TONSL: variants seen among roughly 807,000 people sequenced by gnomAD.
TONSL encodes tonsoku-like protein.
A neutral mutation model predicts 147.1 loss-of-function variants in TONSL; 112 were observed. The observed-to-expected ratio is 0.76, with a 90% CI of 0.65 to 0.89. The LOEUF is 0.89. Ranked by LOEUF, TONSL falls within the 40% of genes least tolerant of loss-of-function variation. The probability of loss-of-function intolerance (pLI) is 0.00; values close to 1 mark genes in which losing one functional copy is unlikely to be tolerated. For missense variants in TONSL, 1,883 were observed against 1,864.6 expected (o/e 1.01, Z -0.18); for synonymous variants, 868 against 801.5 (o/e 1.08, Z -1.40).
chr8:144,431,063 G>A lies in TONSL; in HGVS notation c.3809+15C>T. 1.2e-6 allele frequency: 2 copies of A among 1,614,032 alleles called. No individual in the cohort carries two copies. The highest frequency in any genetic ancestry group is 1.7e-6 in the Non-Finnish European group (2 of 1,179,900). The stretch of plus-strand genomic sequence containing the variant: ...CAGACCCCCAGGTCAGCAGGCAGCA[G>A]GGAAAGGGCGTTACCTGCACAGGTC... On this transcript the variant is annotated intron_variant, in intron 24 of 25. Coordinates refer to ENST00000409379, the MANE Select transcript of TONSL (RefSeq NM_013432.5).
chr8:144,429,395 C>A, intron 25 of TONSL, 59 bp from the exon 26 acceptor site: 1 of 1,337,924 alleles, frequency 7.5e-7, no homozygotes, highest in Non-Finnish European at 9.6e-7. Context: ...TCCTGGTGCC[C>A]GCGGCAGGCT....
chr8:144,443,746 C>G (rs1823804081), intron 3 of TONSL, 136 bp downstream of exon 3: 7 of 1,239,238 alleles, frequency 5.6e-6, no homozygotes, highest in Non-Finnish European at 6.6e-6. Flanking sequence ...TGGCCCGGGG[C>G]GGTGAAGGCA....
intron 3 of TONSL, among the ~76,000 whole-genome samples, chr8:144,443,524 C>T (rs1823796730): frequency 6.6e-6 from 1 of 152,204 alleles, no homozygotes; most frequent in Non-Finnish European, 1.5e-5. Flanking sequence ...TGTATGCAGC[C>T]AACGCTGTCA....
Position 144,436,879 on chromosome 8 carries a change from C to T in TONSL, c.1768G>A (p.Asp590Asn), listed in dbSNP as rs141468690. 4.2e-5 allele frequency: 68 copies of T among 1,609,188 alleles called. No individual in the cohort carries two copies. Among genetic ancestry groups the T allele is most frequent in the East Asian group, 4.0e-4 (18 of 44,886 alleles). ...CCTTCGCAGCCCTGGCCACCTGGGT[C>T]GTCCACTGCGGCCCCGTGGTCCAGC... ...FLLDHGAAVD[D>N]PGGQGCEGIT... Residue 590 changes from aspartate (D) to asparagine (N), a missense_variant, in exon 15 of 26, where the codon GAC (aspartate) becomes AAC (asparagine). Transcript: ENST00000409379.
intron 18 of TONSL, 97 bp from the exon 19 acceptor site, chr8:144,435,267 C>G: frequency 7.1e-7 from 1 of 1,411,144 alleles, no homozygotes; most frequent in East Asian, 2.5e-5. Flanking sequence ...GCCCCCTCAG[C>G]TGCTTCTCCC....
rs943386780 is a variant in TONSL, at chr8:144,443,119, C to T, written c.448+19G>A. 6 of 1,544,394 alleles carry T rather than the reference C, an allele frequency of 3.9e-6. No individual in the cohort carries two copies. The highest frequency in any genetic ancestry group is 2.5e-5 in the East Asian group (1 of 40,744). On this transcript the variant is annotated intron_variant, in intron 4 of 25. Coordinates refer to ENST00000409379, the MANE Select transcript of TONSL (RefSeq NM_013432.5). The stretch of plus-strand genomic sequence containing the variant: ...GGCCCGAAGTTCAGGAGGCAGAAAA[C>T]GCGGAGGGGTCTGCCCACCCTCCAG...
chr8:144,430,274 A>C (rs1391393393), intron 25 of TONSL, 130 bp downstream of exon 25: 13 of 1,151,058 alleles, frequency 1.1e-5, no homozygotes, highest in Non-Finnish European at 1.5e-5. Flanking sequence ...CTGCTGCCCC[A>C]GCCTCATGGA....
At chr8:144,432,115 C>G (rs1389213024) in intron 23 of TONSL, among the ~76,000 whole-genome samples, 170 bp downstream of exon 23, 1 of 152,094 alleles carries the variant, frequency 6.6e-6, no homozygotes, top group African/African-American at 2.4e-5. Flanking sequence ...CGTGAGCCAC[C>G]GCGCCTGGCC....
intron 4 of TONSL, 95 bp from the exon 5 acceptor site, chr8:144,442,901 C>T: frequency 6.8e-7 from 1 of 1,463,104 alleles, no homozygotes; most frequent in Non-Finnish European, 9.1e-7. Context: ...GCCTCTCCTA[C>T]CCCCTCCCTC....
Position 144,436,197 on chromosome 8 carries a change from C to A in TONSL, c.2236G>T (p.Gly746Cys), listed in dbSNP as rs776685753. The change falls in exon 17 of 26, where the codon GGC (glycine) becomes TGC (cysteine). Residue 746 changes from glycine (G) to cysteine (C), a missense_variant. Transcript: ENST00000409379. ...GPASSSSSSE[G>C]EDSAGPARPS... ...CGTGCGGGGCCTGCGCTGTCCTCGC[C>A]TTCTGAGCTGCTGCTGCTGCTGGCT... The A allele has an allele frequency of 6.4e-7, 1 of 1,570,702 alleles. No individual in the cohort carries two copies. The highest frequency in any genetic ancestry group is 1.1e-5 in the South Asian group (1 of 88,618).
In TONSL at chr8:144,444,378, C is replaced by G. The variant is rs1489546399; in HGVS notation, c.25+12G>C. ...CCGCGCCCCCGGAGGAAGGGGTCCC[C>G]GAGGAACTTACGGCGAAGCTCGCGC... is the stretch of plus-strand genomic sequence containing the variant. On this transcript the variant is annotated intron_variant, in intron 1 of 25. Transcript: ENST00000409379. 3 of 1,276,878 alleles carry G rather than the reference C, an allele frequency of 2.3e-6. No individual in the cohort carries two copies. Among genetic ancestry groups the G allele is most frequent in the South Asian group, 2.7e-5 (1 of 37,200 alleles). 79.1% of individuals were successfully genotyped at this position (1,276,878 alleles called of 1,614,324 possible).
chr8:144,444,218 G>A lies in TONSL; in HGVS notation c.83C>T (p.Ala28Val), dbSNP rs1586698987. ...GAGCTCCCCCAGCTGGTGGCACAGCGCGGCCTCTTCGCGCCGCTGCCCGGC... is the reference window on the plus strand; with the variant it reads ...GAGCTCCCCCAGCTGGTGGCACAGCACGGCCTCTTCGCGCCGCTGCCCGGC... ...QRAGQRREEA[A>V]LCHQLGELLA... The change falls in exon 2 of 26, where the codon GCG becomes GTG. Residue 28 changes from alanine (A) to valine (V), a missense_variant. By Grantham distance (64) the Ala-to-Val change is moderately conservative. Coordinates refer to ENST00000409379, the MANE Select transcript of TONSL (RefSeq NM_013432.5). The A allele has an allele frequency of 1.4e-6, 2 of 1,458,438 alleles. No individual in the cohort carries two copies. The highest frequency in any genetic ancestry group is 1.8e-6 in the Non-Finnish European group (2 of 1,108,678). 90.3% of individuals were successfully genotyped at this position (1,458,438 alleles called of 1,614,324 possible). A position where few individuals can be genotyped will look rare whatever the true frequency, so the allele number is the denominator to read the frequency against.
At position 144,436,745 on chromosome 8, in the gene TONSL, C is replaced by A. The variant is rs772946355; in HGVS notation, c.1890+12G>T. ...ATAACCTCGCCCTTGCCCTCTGCCCCACCAGGCTCACCTTTCGAGTGCGGA... is the reference window on the plus strand; with the variant it reads ...ATAACCTCGCCCTTGCCCTCTGCCCAACCAGGCTCACCTTTCGAGTGCGGA... On this transcript the variant is annotated intron_variant, in intron 15 of 25. Transcript: ENST00000409379. 6.2e-7 allele frequency: 1 copy of A among 1,610,352 alleles called. No individual in the cohort carries two copies. The highest frequency in any genetic ancestry group is 8.5e-7 in the Non-Finnish European group (1 of 1,179,178).
In TONSL at chr8:144,434,854, CG is replaced by C. The variant is rs1191123900; in HGVS notation, c.3041del (p.Pro1014ArgfsTer2). ...AGGCCCTGCGGTAGCGGTCAGTCAA[CG>C]GGGGCAGGTCCCACGAAGTCACCTC... ...LAEVTSWDLP[P>X]LTDRYRRACQ... On this transcript the variant is annotated frameshift_variant, in exon 20 of 26. Coordinates refer to ENST00000409379, the MANE Select transcript of TONSL (RefSeq NM_013432.5). LOFTEE classifies it high-confidence loss of function. 4 of 1,613,402 alleles carry C rather than the reference CG, an allele frequency of 2.5e-6. No homozygotes were observed. The highest frequency in any genetic ancestry group is 3.4e-6 in the Non-Finnish European group (4 of 1,179,948).
rs1485407943 is a variant in TONSL, at chr8:144,444,044, G to A, written c.122-20C>T. The stretch of plus-strand genomic sequence containing the variant: ...AGCGGCCTAGGCGGGGGCACAGCAC[G>A]GCCTGGCAGGCGTCGCGGGTGCGAG... On this transcript the variant is annotated intron_variant, in intron 2 of 25. Coordinates refer to ENST00000409379, the MANE Select transcript of TONSL (RefSeq NM_013432.5). 8 of 1,502,718 alleles carry A rather than the reference G, an allele frequency of 5.3e-6. No individual in the cohort carries two copies. The highest frequency in any genetic ancestry group is 7.1e-6 in the Non-Finnish European group (8 of 1,128,438). 93.1% of individuals were successfully genotyped at this position (1,502,718 alleles called of 1,614,324 possible).
chr8:144,434,697 G>T, intron 20 of TONSL, 114 bp downstream of exon 20: 2 of 1,180,940 alleles, frequency 1.7e-6, no homozygotes, highest in South Asian at 1.5e-5. Flanking sequence ...ACCAGGCTGG[G>T]GGAGGTGCAC....
Position 144,444,374 on chromosome 8 carries a change from TC to T in TONSL, c.25+15del. The T allele has an allele frequency of 7.8e-7, 1 of 1,279,392 alleles. No homozygotes were observed. The allele number at this position is 1,279,392 out of a possible 1,614,324, so 79.3% of individuals were successfully genotyped here. On this transcript the variant is annotated intron_variant, in intron 1 of 25. Transcript: ENST00000409379. ...GCCTCCGCGCCCCCGGAGGAAGGGG[TC>T]CCCGAGGAACTTACGGCGAAGCTCG...
At position 144,436,553 on chromosome 8, in the gene TONSL, C is replaced by T. The variant is rs916572486; in HGVS notation, c.2014+5G>A. The T allele has an allele frequency of 7.5e-6, 12 of 1,609,024 alleles. No homozygotes were observed. The highest frequency in any genetic ancestry group is 1.6e-4 in the Middle Eastern group (1 of 6,082). On this transcript the variant is annotated splice_donor_5th_base_variant and intron_variant, in intron 16 of 25. Transcript: ENST00000409379. ...AACCCCAGGGACAAGGGACGCCCTG[C>T]TTGCCTTGGCCCGAGGCAGCCGCCT...
chr8:144,441,689 G>A (rs1164694700), intron 7 of TONSL: 1 of 284,566 alleles, frequency 3.5e-6, no homozygotes, highest in Non-Finnish European at 6.7e-6. Context: ...AGCACTCCTG[G>A]ACCACGCGTG....
Sources: gnomAD v4.1 joint callset for allele counts (sites outside exome capture counted in the v4.1 genomes callset) on GRCh38, gnomAD v4.1.1 for gene constraint, MANE v1.5 for transcripts, NCBI Gene and HGNC (gene_info 2026-07-23, HGNC 2026-07-21) for gene names.